The following GLT1D1 variants were observed in gnomAD, a reference collection of about 807,000 sequenced individuals.
GLT1D1 encodes glycosyltransferase 1 domain-containing protein 1.
A neutral mutation model predicts 28.7 loss-of-function variants in GLT1D1; 21 were observed. That is an observed-to-expected ratio of 0.73 (90% confidence interval 0.52 to 1.05). The LOEUF (loss-of-function observed/expected upper bound fraction) is 1.05, where lower values mean the gene tolerates loss of function less well. Among genes scored for constraint, GLT1D1 ranks in the 50% least tolerant of loss-of-function variants. The pLI, the probability that GLT1D1 is intolerant of heterozygous loss-of-function variation, is 0.00. For missense variants in GLT1D1, 343 were observed against 330.6 expected, an observed-to-expected ratio of 1.04 and a Z score of -0.29; for synonymous variants, 147 against 124.8, an observed-to-expected ratio of 1.18 and a Z score of -1.19.
intron 6 of GLT1D1, among the ~76,000 whole-genome samples, chr12:128,951,965 A>G (rs1208313784): frequency 6.6e-6 from 1 of 152,112 alleles, no homozygotes; most frequent in Non-Finnish European, 1.5e-5. Flanking sequence ...CGTGCCCGCC[A>G]TGGTGTGGAA....
intron 7 of GLT1D1, among the ~76,000 whole-genome samples, chr12:128,975,850 C>G (rs1879718187): frequency 6.6e-6 from 1 of 152,184 alleles, no homozygotes; most frequent in Non-Finnish European, 1.5e-5. Flanking sequence ...AAATCAATGA[C>G]TACTCTGTGT....
At chr12:128,941,569 CTTTTTTTTTT>C (rs550204231) in intron 4 of GLT1D1, among the ~76,000 whole-genome samples, 1 of 107,556 alleles carries the variant, frequency 9.3e-6, no homozygotes, top group African/African-American at 4.0e-5. Context: ...CTCTCTTTCT[CTTTTTTTTTT>C]TTTTTTTTTT....
rs967540364 is a variant in GLT1D1, at chr12:128,853,663, G to T, written c.68+14G>T. On this transcript the variant is annotated intron_variant, in intron 1 of 7. Coordinates refer to ENST00000281703, the MANE Select transcript of GLT1D1 (RefSeq NM_144669.3). ...CCAGCGCGTTCGGTAGGTGCAGGGC[G>T]CCGGGGCCTACGAAGCCTGGGCCGG... 2 of 1,104,698 alleles carry T rather than the reference G, an allele frequency of 1.8e-6. No individual in the cohort carries two copies. Among genetic ancestry groups the T allele is most frequent in the African/African-American group, 3.4e-5 (2 of 59,488 alleles). The allele number at this position is 1,104,698 out of a possible 1,614,324, so 68.4% of individuals were successfully genotyped here. A position where few individuals can be genotyped will look rare whatever the true frequency, so the allele number is the denominator to read the frequency against.
intron 4 of GLT1D1, among the ~76,000 whole-genome samples, chr12:128,927,999 C>CAAAAAAAAAAAAAAAAAAA (rs938188484): frequency 7.1e-5 from 3 of 42,244 alleles, no homozygotes; most frequent in South Asian, 1.9e-3. Context: ...GACTCTGTCT[C>CAAAAAAAAAAAAAAAAAAA]AAAAAAAAAA....
At chr12:128,958,524 T>C (rs1283939588) in intron 7 of GLT1D1, among the ~76,000 whole-genome samples, 2 of 146,408 alleles carry the variant, frequency 1.4e-5, no homozygotes, top group African/African-American at 5.1e-5. Flanking sequence ...TAGGATCATT[T>C]GAGGTCAGGA....
intron 3 of GLT1D1, among the ~76,000 whole-genome samples, chr12:128,891,214 A>G (rs1343935976): frequency 6.6e-6 from 1 of 152,180 alleles, no homozygotes; most frequent in Non-Finnish European, 1.5e-5. Flanking sequence ...AAAAGCGGAA[A>G]TTAAATCAAA....
intron 7 of GLT1D1, among the ~76,000 whole-genome samples, chr12:128,972,614 C>G (rs1037672481): frequency 6.6e-6 from 1 of 152,226 alleles, no homozygotes. Context: ...AATGCTTGCT[C>G]TGCAGATACA....
At chr12:128,979,729 G>A (rs1282379972) in intron 7 of GLT1D1, among the ~76,000 whole-genome samples, 1 of 151,716 alleles carries the variant, frequency 6.6e-6, no homozygotes, top group Admixed American at 6.6e-5. Flanking sequence ...CTCCAGCCTG[G>A]GTAACACTGC....
At chr12:128,854,058 C>T (rs1956143406) in intron 1 of GLT1D1, among the ~76,000 whole-genome samples, 1 of 152,174 alleles carries the variant, frequency 6.6e-6, no homozygotes, top group Non-Finnish European at 1.5e-5. Context: ...CCAGCCCTGC[C>T]CTCGCGGATC....
chr12:128,863,660 G>A (rs192151158), intron 1 of GLT1D1, among the ~76,000 whole-genome samples: 8 of 152,300 alleles, frequency 5.3e-5, no homozygotes, highest in African/African-American at 1.9e-4. Context: ...TTACAGGCGT[G>A]AGCCACCGCA....
chr12:128,982,435 G>A (rs563118291), intron 7 of GLT1D1, among the ~76,000 whole-genome samples: 48 of 152,294 alleles, frequency 3.2e-4, no homozygotes, highest in Admixed American at 2.7e-3. Context: ...GTGAAGACAG[G>A]CTTGGCTCTG....
intron 4 of GLT1D1, among the ~76,000 whole-genome samples, 188 bp from the exon 6 acceptor site, chr12:128,914,745 G>A (rs762914673): frequency 2.0e-5 from 3 of 152,076 alleles, no homozygotes; most frequent in South Asian, 2.1e-4. Context: ...GCTTCAAACC[G>A]GGAAGAGGAG....
chr12:128,983,140 A>G lies in GLT1D1; in HGVS notation c.*50A>G. The G allele has an allele frequency of 2.6e-6, 4 of 1,515,998 alleles. No individual in the cohort carries two copies. Among genetic ancestry groups the G allele is most frequent in the South Asian group, 1.1e-5 (1 of 88,334 alleles). 93.9% of individuals were successfully genotyped at this position (1,515,998 alleles called of 1,614,324 possible). ...CTCTCTGACACACAGCTCTGGGTGC[A>G]CACTCAGAGACAGAGTTCTGGATCA... On this transcript the variant is annotated 3_prime_UTR_variant, in exon 8 of 8. Transcript: ENST00000281703. The surrounding 1 kb of genome is among the most constrained non-coding windows in gnomAD (Gnocchi z 4.7).
chr12:128,931,609 C>T (rs184974831), intron 4 of GLT1D1, among the ~76,000 whole-genome samples: 4 of 152,188 alleles, frequency 2.6e-5, no homozygotes, highest in Non-Finnish European at 5.9e-5. Context: ...CGCCTGGCCC[C>T]CCTTTTACTA....
chr12:128,965,732 A>AAAAAG (rs75853652), intron 7 of GLT1D1, among the ~76,000 whole-genome samples: 29,265 of 102,564 alleles, frequency 0.29, 4,845 homozygotes, highest in Admixed American at 0.4. Flanking sequence ...AAAAAAAAAA[A>AAAAAG]AAAGAAAAAG....
At chr12:128,870,905 C>A (rs1425951538) in intron 1 of GLT1D1, among the ~76,000 whole-genome samples, 1 of 152,118 alleles carries the variant, frequency 6.6e-6, no homozygotes, top group South Asian at 2.1e-4. Context: ...ACACAAGAAT[C>A]GCTTGAACCC....
chr12:128,940,298 G>A (rs1028239632), intron 4 of GLT1D1, among the ~76,000 whole-genome samples: 2 of 152,192 alleles, frequency 1.3e-5, no homozygotes, highest in African/African-American at 2.4e-5. Flanking sequence ...AGGCAGCAGA[G>A]CATAGTTTTA....
intron 6 of GLT1D1, 123 bp downstream of exon 10, chr12:128,947,581 G>C: frequency 9.4e-7 from 1 of 1,059,076 alleles, no homozygotes; most frequent in Non-Finnish European, 1.4e-6. Flanking sequence ...AAAAGGCCAA[G>C]CAGCATACCT....
chr12:128,976,440 A>G (rs1032888050), intron 7 of GLT1D1, among the ~76,000 whole-genome samples: 8 of 152,206 alleles, frequency 5.3e-5, no homozygotes, highest in Non-Finnish European at 7.3e-5. Context: ...TAATTAACTC[A>G]AAGCCTCCAA....
Sources: allele counts gnomAD v4.1 joint callset (sites outside exome capture counted in the v4.1 genomes callset), GRCh38; gene constraint gnomAD v4.1.1; non-coding constraint Gnocchi (gnomAD v3.1); transcripts MANE v1.5; gene names NCBI Gene and HGNC (gene_info 2026-07-23, HGNC 2026-07-21).